The following DST variants were observed in gnomAD, a reference collection of about 807,000 sequenced individuals.
The protein encoded by DST is dystonin.
Under a neutral mutation model 875.2 loss-of-function variants are expected in DST, and 253 were observed. The ratio of observed to expected loss-of-function variants is 0.29; its 90% CI spans 0.26 to 0.32. The LOEUF (loss-of-function observed/expected upper bound fraction) is 0.32, where lower values mean the gene tolerates loss of function less well. Ranked by LOEUF, DST falls within the 10% of genes least tolerant of loss-of-function variation. DST has a pLI of 1.00. For missense variants in DST, 8,287 were observed against 9,111.6 expected, an observed-to-expected ratio of 0.91 and a Z score of 3.68; for synonymous variants, 3,124 against 3,197.1, an observed-to-expected ratio of 0.98 and a Z score of 0.77.
In DST at chr6:56,553,054, C is replaced by A. The variant is rs777957420; in HGVS notation, c.15738G>T (p.Glu5246Asp). ...CEIDKEVVTD[E>D]NKSLIQKVDM... is the part of the protein sequence containing the mutation. ...CCACCTTCTGGATCAGTGACTTATT[C>A]TCATCTGTAACAACTTCTTTATCTA... The change falls in exon 61 of 104, where the codon GAG becomes GAT. Residue 5246 changes from glutamate to aspartate, a missense_variant. Coordinates refer to ENST00000680361, the MANE Select transcript of DST (RefSeq NM_001374736.1). 1.2e-6 allele frequency: 2 copies of A among 1,613,874 alleles called. No individual in the cohort carries two copies. The highest frequency in any genetic ancestry group is 1.7e-6 in the Non-Finnish European group (2 of 1,179,888).
intron 103 of DST, 26 bp downstream of exon 103, chr6:56,460,105 T>C (rs529957087): frequency 2.5e-6 from 4 of 1,579,122 alleles, no homozygotes; most frequent in Non-Finnish European, 2.6e-6. Context: ...CAAAAGCCAT[T>C]GAAAAAAGAA....
At chr6:56,725,108 G>C (rs2099445339) in intron 5 of DST, among the ~76,000 whole-genome samples, 1 of 152,168 alleles carries the variant, frequency 6.6e-6, no homozygotes, top group African/African-American at 2.4e-5. Flanking sequence ...AAGGTTCAAA[G>C]TCATACTACT....
rs1452563362 is a variant in DST at position 56,893,566 on chromosome 6, T to C, written c.417+6855A>G. On this transcript the variant is annotated intron_variant, in intron 3 of 103. Transcript: ENST00000680361. ...ATGGTAGTCCTACTTTTAGTTCTTT[T>C]TTTTTTTTTTTTTTTTTTTTTATTT... 1.8e-3 allele frequency among the ~76,000 whole-genome samples: 126 copies of C among 69,246 alleles called. 5 individuals carry two copies. The highest frequency in any genetic ancestry group is 9.6e-4 in the Admixed American group (8 of 8,376). The allele number at this position is 69,246 out of a possible 152,430, so 45.4% of individuals were successfully genotyped here.
Position 56,722,429 on chromosome 6 carries a change from G to A in DST, c.687+12799C>T, listed in dbSNP as rs552950179. On this transcript the variant is annotated intron_variant, in intron 5 of 103. Coordinates refer to ENST00000680361, the MANE Select transcript of DST (RefSeq NM_001374736.1). ...GACGAAGTCTCACTCTTTCACCCAG[G>A]CTGGAGTGCAGTGGTGCAATCTCGG... 1.9e-3 allele frequency among the ~76,000 whole-genome samples: 288 copies of A among 151,936 alleles called. 2 individuals carry two copies. Among genetic ancestry groups the A allele is most frequent in the Admixed American group, 3.1e-3 (47 of 15,296 alleles).
chr6:56,681,023 A>G (rs142329835), intron 9 of DST, among the ~76,000 whole-genome samples: 30 of 152,310 alleles, frequency 2.0e-4, no homozygotes, highest in African/African-American at 7.2e-4. Flanking sequence ...GTTCACCCAA[A>G]TTACTAATAG....
At position 56,527,645 on chromosome 6, in the gene DST, T is replaced by C. The variant is rs1584101277; in HGVS notation, c.17770A>G (p.Thr5924Ala). ...GCAAGCTGCAGCGCCTGTTCCAGAG[T>C]CTTGGCCACATCAGTGCTCAGTTTA... ...ITKLSTDVAK[T>A]LEQALQLARR... The change falls in exon 68 of 104, where the codon ACT (threonine) becomes GCT (alanine). Residue 5924 changes from threonine to alanine, a missense_variant. Thr to Ala is a moderately conservative substitution (Grantham distance 58, BLOSUM62 0). Coordinates refer to ENST00000680361, the MANE Select transcript of DST (RefSeq NM_001374736.1). The C allele has an allele frequency of 6.2e-7, 1 of 1,613,760 alleles. No individual in the cohort carries two copies.
At chr6:56,538,415 G>A (rs1262756613) in intron 61 of DST, among the ~76,000 whole-genome samples, 3 of 152,098 alleles carry the variant, frequency 2.0e-5, no homozygotes, top group Non-Finnish European at 2.9e-5. Flanking sequence ...TCATTATCCT[G>A]AAGGGCACTA....
chr6:56,474,170 G>T, intron 92 of DST, 168 bp from the exon 93 acceptor site: 2 of 570,220 alleles, frequency 3.5e-6, no homozygotes, highest in South Asian at 2.2e-5. Flanking sequence ...CATACTGCAG[G>T]CATTTACTAA....
intron 62 of DST, among the ~76,000 whole-genome samples, 160 bp from the exon 63 acceptor site, chr6:56,535,452 G>A (rs1314640073): frequency 1.3e-5 from 2 of 152,162 alleles, no homozygotes; most frequent in Non-Finnish European, 2.9e-5. Context: ...AGGCAGGATA[G>A]CAGTGAAAAG....
At chr6:56,505,771 G>A (rs922142079) in intron 77 of DST, among the ~76,000 whole-genome samples, 2 of 151,998 alleles carry the variant, frequency 1.3e-5, no homozygotes, top group African/African-American at 2.4e-5. Context: ...ACGGAGCAAG[G>A]TTAAGGGAGG....
Position 56,886,542 on chromosome 6 carries a change from G to A in DST, c.417+13879C>T, listed in dbSNP as rs1219611487. 7.2e-5 allele frequency among the ~76,000 whole-genome samples: 11 copies of A among 152,288 alleles called. No homozygotes were observed. The South Asian group carries it at 8.3e-4, about 11-fold the overall frequency. On this transcript the variant is annotated intron_variant, in intron 3 of 103. Coordinates refer to ENST00000680361, the MANE Select transcript of DST (RefSeq NM_001374736.1). ...TGTAATCCCAGCATTTTGGGAGGCC[G>A]AGGCGGGCAGATCACCTGAGGTTAG...
intron 55 of DST, among the ~76,000 whole-genome samples, chr6:56,565,544 A>G (rs2097658655): frequency 6.6e-6 from 1 of 152,114 alleles, no homozygotes; most frequent in African/African-American, 2.4e-5. Context: ...TTGATAGGCT[A>G]TTAATTACTA....
intron 4 of DST, among the ~76,000 whole-genome samples, chr6:56,804,930 A>G (rs530893655): frequency 3.9e-5 from 6 of 152,208 alleles, no homozygotes; most frequent in Admixed American, 3.3e-4. Context: ...ATTTTTCATT[A>G]AATTTCATTT....
At chr6:56,916,778 T>TCTCTCTCTCTCTCA (rs1470233953) in intron 2 of DST, among the ~76,000 whole-genome samples, 55 of 91,340 alleles carry the variant, frequency 6.0e-4, no homozygotes, top group African/African-American at 2.5e-3. Flanking sequence ...TCTCTCTCTC[T>TCTCTCTCTCTCTCA]CACACACACA....
intron 2 of DST, among the ~76,000 whole-genome samples, chr6:56,932,014 G>A (rs556920429): frequency 3.7e-4 from 57 of 152,242 alleles, no homozygotes; most frequent in African/African-American, 1.3e-3. Flanking sequence ...GTTTTGAAAC[G>A]TGAGGACATG....
chr6:56,577,784 G>A (rs555498854), intron 50 of DST, among the ~76,000 whole-genome samples: 2 of 152,110 alleles, frequency 1.3e-5, no homozygotes, highest in South Asian at 4.2e-4. Flanking sequence ...GCAGGGCAGT[G>A]AAAACAAAAA....
intron 69 of DST, among the ~76,000 whole-genome samples, chr6:56,518,351 T>C (rs1254160294): frequency 6.6e-6 from 1 of 152,122 alleles, no homozygotes; most frequent in South Asian, 2.1e-4. Context: ...TTGTAGTGAA[T>C]TTTCTTCCAC....
chr6:56,572,306 T>C (rs1347706097), intron 52 of DST, 40 bp from the exon 53 acceptor site: 5 of 1,416,410 alleles, frequency 3.5e-6, no homozygotes, highest in South Asian at 1.4e-5. Flanking sequence ...TAAATGTTGC[T>C]AGATCTTCAA....
chr6:56,656,416 A>G (rs1228285093), intron 10 of DST, among the ~76,000 whole-genome samples: 12 of 152,204 alleles, frequency 7.9e-5, no homozygotes, highest in Non-Finnish European at 7.3e-5. Flanking sequence ...CAATTGGGAT[A>G]CCTTATAAAG....
Sources: gnomAD v4.1 joint callset for allele counts (sites outside exome capture counted in the v4.1 genomes callset) on GRCh38, gnomAD v4.1.1 for gene constraint, MANE v1.5 for transcripts, NCBI Gene and HGNC (gene_info 2026-07-23, HGNC 2026-07-21) for gene names.